The following PIBF1 variants were observed in gnomAD, a reference collection of about 807,000 sequenced individuals.
PIBF1 encodes the protein progesterone-induced-blocking factor 1.
A neutral mutation model predicts 112.5 loss-of-function variants in PIBF1; 90 were observed. The ratio of observed to expected loss-of-function variants is 0.80; its 90% CI spans 0.67 to 0.95. PIBF1 has a LOEUF of 0.95. Among genes scored for constraint, PIBF1 ranks in the 40% least tolerant of loss-of-function variants. PIBF1 has a pLI of 0.00. For synonymous variants in PIBF1, 301 were observed against 288.6 expected, an observed-to-expected ratio of 1.04 and a Z score of -0.44; for missense variants, 915 against 852.3, an observed-to-expected ratio of 1.07 and a Z score of -0.92.
At chr13:72,876,134 CTT>C (rs386363749) in intron 10 of PIBF1, among the ~76,000 whole-genome samples, 1,306 of 91,214 alleles carry the variant, frequency 0.014, 41 homozygotes, top group African/African-American at 0.034. Context: ...TGTTCAGATT[CTT>C]TTTTTTTTTT....
At chr13:73,006,580 G>A (rs1346488500) in intron 17 of PIBF1, among the ~76,000 whole-genome samples, 2 of 152,102 alleles carry the variant, frequency 1.3e-5, no homozygotes, top group African/African-American at 4.8e-5. Context: ...ACAAAGTAAT[G>A]ATATCTACCA....
At chr13:72,809,111 A>G (rs1025469553) in intron 5 of PIBF1, among the ~76,000 whole-genome samples, 1 of 121,768 alleles carries the variant, frequency 8.2e-6, no homozygotes, top group Admixed American at 8.1e-5. Flanking sequence ...TTTTTTCACC[A>G]CTTGGGGGCA....
At chr13:72,825,948 A>G (rs890830410) in intron 6 of PIBF1, among the ~76,000 whole-genome samples, 35 of 151,576 alleles carry the variant, frequency 2.3e-4, no homozygotes, top group Middle Eastern at 3.2e-3. Context: ...ATGCACCTGT[A>G]GTCCTAACTC....
intron 5 of PIBF1, among the ~76,000 whole-genome samples, chr13:72,799,245 C>T (rs1179495819): frequency 6.6e-6 from 1 of 152,144 alleles, no homozygotes; most frequent in African/African-American, 2.4e-5. Flanking sequence ...TGCATACAAA[C>T]ATTTATGTCC....
chr13:72,980,813 A>AAAAAAG (rs970176786), intron 16 of PIBF1, among the ~76,000 whole-genome samples: 1 of 151,832 alleles, frequency 6.6e-6, no homozygotes, highest in African/African-American at 2.4e-5. Context: ...CTCCAAAAAA[A>AAAAAAG]AAAAAGAAAA....
intron 6 of PIBF1, among the ~76,000 whole-genome samples, chr13:72,825,856 A>G (rs886939042): frequency 1.3e-5 from 2 of 151,698 alleles, no homozygotes; most frequent in African/African-American, 4.8e-5. Flanking sequence ...ACTTGAGCCC[A>G]GGACTTTAAG....
At chr13:72,835,476 A>G in intron 9 of PIBF1, 108 bp downstream of exon 9, 1 of 797,752 alleles carries the variant, frequency 1.3e-6, no homozygotes, top group Non-Finnish European at 1.8e-6. Flanking sequence ...TTAATACATT[A>G]GAGAAAACTT....
chr13:72,943,105 ATTTT>A (rs1175536719), intron 14 of PIBF1, among the ~76,000 whole-genome samples: 1 of 151,798 alleles, frequency 6.6e-6, no homozygotes, highest in African/African-American at 2.4e-5. Context: ...CATTGCCTGA[ATTTT>A]TTTTTAATTT....
intron 10 of PIBF1, among the ~76,000 whole-genome samples, chr13:72,868,738 C>T (rs2039027945): frequency 6.7e-6 from 1 of 150,358 alleles, no homozygotes; most frequent in African/African-American, 2.5e-5. Flanking sequence ...AATCCCTACA[C>T]TTTGGGAGGC....
intron 2 of PIBF1, among the ~76,000 whole-genome samples, chr13:72,791,924 G>T (rs1031167692): frequency 1.3e-5 from 2 of 151,036 alleles, no homozygotes; most frequent in Non-Finnish European, 3.0e-5. Context: ...GTGAGCCACC[G>T]CACCCAGCTG....
intron 2 of PIBF1, among the ~76,000 whole-genome samples, chr13:72,790,996 T>C (rs966583923): frequency 1.3e-5 from 2 of 152,062 alleles, no homozygotes; most frequent in African/African-American, 4.8e-5. Context: ...GAGGAGGGAT[T>C]TACTTGCATA....
At chr13:72,927,125 G>A (rs1171937931) in intron 13 of PIBF1, among the ~76,000 whole-genome samples, 3 of 150,202 alleles carry the variant, frequency 2.0e-5, no homozygotes, top group Non-Finnish European at 4.4e-5. Flanking sequence ...GCAGTGGCAC[G>A]ATCTTGGCTC....
At chr13:72,836,540 CTA>C (rs1390962747) in intron 9 of PIBF1, among the ~76,000 whole-genome samples, 3 of 152,076 alleles carry the variant, frequency 2.0e-5, no homozygotes, top group African/African-American at 7.2e-5. Flanking sequence ...ACTATAAAAA[CTA>C]TATATGTAGA....
chr13:73,001,008 G>T (rs1566536805), intron 17 of PIBF1, among the ~76,000 whole-genome samples: 1 of 152,036 alleles, frequency 6.6e-6, no homozygotes, highest in Admixed American at 6.6e-5. Flanking sequence ...TACAAGCTCA[G>T]CTATGTCCTA....
chr13:72,956,914 T>A (rs1359856277), intron 14 of PIBF1, among the ~76,000 whole-genome samples: 1 of 152,110 alleles, frequency 6.6e-6, no homozygotes, highest in African/African-American at 2.4e-5. Flanking sequence ...ATGTAAAAAA[T>A]GCTCAACATC....
At chr13:72,919,846 G>A (rs1236559572) in intron 13 of PIBF1, among the ~76,000 whole-genome samples, 3 of 152,084 alleles carry the variant, frequency 2.0e-5, no homozygotes, top group Admixed American at 2.0e-4. Context: ...ACATCTGCCT[G>A]TAGTCCCAGC....
intron 3 of PIBF1, among the ~76,000 whole-genome samples, chr13:72,794,655 A>G (rs1209633686): frequency 1.3e-5 from 2 of 152,186 alleles, no homozygotes; most frequent in Admixed American, 1.3e-4. Context: ...CCCCTGCACA[A>G]GCACTCTTGT....
chr13:72,809,132 CTTTT>C (rs35219701), intron 5 of PIBF1, among the ~76,000 whole-genome samples: 15 of 74,858 alleles, frequency 2.0e-4, no homozygotes, highest in Admixed American at 4.5e-4. Context: ...GTATATGTCC[CTTTT>C]TTTTTTTTTT....
intron 10 of PIBF1, among the ~76,000 whole-genome samples, chr13:72,888,070 T>C (rs945506748): frequency 2.0e-5 from 3 of 152,132 alleles, no homozygotes; most frequent in Admixed American, 2.0e-4. Context: ...GAAGTTTTTG[T>C]TTTTGGAAAT....
Sources: allele counts gnomAD v4.1 joint callset (sites outside exome capture counted in the v4.1 genomes callset), GRCh38; gene constraint gnomAD v4.1.1; transcripts MANE v1.5; gene names NCBI Gene and HGNC (gene_info 2026-07-23, HGNC 2026-07-21).